Variants in LRP6 observed in about 807,000 individuals in gnomAD.
LRP6 encodes the protein LDL receptor related protein 6.
Under a neutral mutation model 184.1 loss-of-function variants are expected in LRP6, and 43 were observed. That is an observed-to-expected ratio of 0.23 (90% confidence interval 0.18 to 0.30). LRP6 has a LOEUF of 0.30. Among genes scored for constraint, LRP6 ranks in the 10% least tolerant of loss-of-function variants. The probability of loss-of-function intolerance (pLI) is 1.00; values close to 1 mark genes in which losing one functional copy is unlikely to be tolerated. For missense variants in LRP6, 1,571 were observed against 2,005.3 expected, an observed-to-expected ratio of 0.78 and a Z score of 4.14; for synonymous variants, 719 against 684.9, an observed-to-expected ratio of 1.05 and a Z score of -0.78.
At chr12:12,245,152 C>T (rs1310304889) in intron 1 of LRP6, among the ~76,000 whole-genome samples, 1 of 152,164 alleles carries the variant, frequency 6.6e-6, no homozygotes, top group Admixed American at 6.6e-5. Flanking sequence ...TATGCAAATG[C>T]TCATACCAAT....
intron 13 of LRP6, among the ~76,000 whole-genome samples, chr12:12,150,259 CCA>C (rs1950064122): frequency 1.3e-5 from 2 of 151,962 alleles, no homozygotes; most frequent in Admixed American, 1.3e-4. Flanking sequence ...CATTCCCATC[CCA>C]CAGTCACCAT....
At chr12:12,254,011 G>A (rs192245314) in intron 1 of LRP6, among the ~76,000 whole-genome samples, 4 of 152,008 alleles carry the variant, frequency 2.6e-5, no homozygotes, top group East Asian at 1.9e-4. Flanking sequence ...GGGTATGGTC[G>A]CACACACCTG....
rs1190617354 is a variant in LRP6, at chr12:12,118,301, A to G, written c.*2825T>C. The G allele has an allele frequency of 1.3e-5, 2 of 152,224 alleles. No homozygotes were observed. Among genetic ancestry groups the G allele is most frequent in the Non-Finnish European group, 2.9e-5 (2 of 68,040 alleles). The allele number at this position is 152,224 out of a possible 1,614,324, so 9.4% of individuals were successfully genotyped here. A position where few individuals can be genotyped will look rare whatever the true frequency, so the allele number is the denominator to read the frequency against. On this transcript the variant is annotated 3_prime_UTR_variant, in exon 23 of 23. Transcript: ENST00000261349. ...CAGAAGACCACGACTCTGTTGGAGC[A>G]AAGTCCAGGCCTTAGTTATAAAAGA...
intron 2 of LRP6, among the ~76,000 whole-genome samples, chr12:12,232,975 G>A (rs1476219299): frequency 6.6e-6 from 1 of 152,122 alleles, no homozygotes; most frequent in Non-Finnish European, 1.5e-5. Context: ...CAGAAAATCT[G>A]ACCATCTGAA....
At chr12:12,208,798 T>C (rs1047799766) in intron 2 of LRP6, among the ~76,000 whole-genome samples, 1 of 152,200 alleles carries the variant, frequency 6.6e-6, no homozygotes, top group Non-Finnish European at 1.5e-5. Context: ...AACCTAAGCA[T>C]AGGGACAGCC....
intron 15 of LRP6, among the ~76,000 whole-genome samples, chr12:12,146,332 T>C (rs1240279459): frequency 6.6e-6 from 1 of 152,234 alleles, no homozygotes; most frequent in Non-Finnish European, 1.5e-5. Context: ...CATGAGGGCA[T>C]GTAATTTTCT....
chr12:12,254,143 CAAAAAA>C lies in LRP6; in HGVS notation c.56-9494_56-9489del, dbSNP rs34210761. ...TGGGTGACAGAGTGAGACTCTGTCT[CAAAAAA>C]AAAAAAAAAAAAAAAAGAAAGAAAG... On this transcript the variant is annotated intron_variant, in intron 1 of 22. Transcript: ENST00000261349. 7.7e-4 allele frequency among the ~76,000 whole-genome samples: 57 copies of C among 74,374 alleles called. 1 individual carries two copies. In the South Asian group the frequency reaches 0.014, roughly 18 times the overall value. The allele number at this position is 74,374 out of a possible 152,430, so 48.8% of individuals were successfully genotyped here. A position where few individuals can be genotyped will look rare whatever the true frequency, so the allele number is the denominator to read the frequency against.
At chr12:12,204,712 T>C (rs1045609753) in intron 2 of LRP6, among the ~76,000 whole-genome samples, 1 of 151,744 alleles carries the variant, frequency 6.6e-6, no homozygotes, top group Non-Finnish European at 1.5e-5. Flanking sequence ...TCCCAGCACT[T>C]TGGGAGGCTG....
intron 18 of LRP6, among the ~76,000 whole-genome samples, chr12:12,131,360 G>A (rs533885747): frequency 3.3e-5 from 5 of 151,514 alleles, no homozygotes; most frequent in East Asian, 1.9e-4. Flanking sequence ...CGCCCGCCTC[G>A]GCCTCCCAAA....
At chr12:12,203,940 G>A (rs1034461459) in intron 2 of LRP6, among the ~76,000 whole-genome samples, 2 of 152,062 alleles carry the variant, frequency 1.3e-5, no homozygotes, top group African/African-American at 4.8e-5. Flanking sequence ...AAATGTATTG[G>A]TAAAAAGGAT....
chr12:12,186,640 A>G (rs1015519088), intron 4 of LRP6, among the ~76,000 whole-genome samples: 2 of 148,226 alleles, frequency 1.3e-5, no homozygotes, highest in African/African-American at 2.5e-5. Flanking sequence ...TCAGTCTCCC[A>G]AAGTGCTGGG....
chr12:12,213,466 T>C (rs1223507543), intron 2 of LRP6, among the ~76,000 whole-genome samples: 1 of 152,152 alleles, frequency 6.6e-6, no homozygotes, highest in Non-Finnish European at 1.5e-5. Context: ...CTATTATTAA[T>C]ATATCTGTTA....
chr12:12,194,127 G>T (rs1007729490), intron 3 of LRP6, among the ~76,000 whole-genome samples: 1 of 151,646 alleles, frequency 6.6e-6, no homozygotes, highest in African/African-American at 2.4e-5. Flanking sequence ...AAAAAGGAAC[G>T]GACAAAATCC....
chr12:12,130,791 A>G lies in LRP6; in HGVS notation c.4073T>C (p.Leu1358Pro). The G allele has an allele frequency of 6.2e-7, 1 of 1,604,804 alleles. No individual in the cohort carries two copies. ...ATCTCAGTCCTACTTACAACAATCC[A>G]GTTCATCTGACTTGTCACTGCAATC... ...NVDCSDKSDE[L>P]DCYPTEEPAP... Residue 1358 changes from leucine (L) to proline (P), a missense_variant, in exon 19 of 23, where the codon CTG becomes CCG. Leu to Pro is a moderately conservative substitution (Grantham distance 98, BLOSUM62 -3). Coordinates refer to ENST00000261349, the MANE Select transcript of LRP6 (RefSeq NM_002336.3).
Position 12,132,015 on chromosome 12 carries a change from C to G in LRP6, c.3776G>C (p.Gly1259Ala). 1.2e-6 allele frequency: 2 copies of G among 1,614,054 alleles called. No homozygotes were observed. Among genetic ancestry groups the G allele is most frequent in the Non-Finnish European group, 1.7e-6 (2 of 1,180,030 alleles). Residue 1259 changes from glycine to alanine, a missense_variant, in exon 18 of 23, where the codon GGG becomes GCG. Gly to Ala is a moderately conservative substitution (Grantham distance 60). Coordinates refer to ENST00000261349, the MANE Select transcript of LRP6 (RefSeq NM_002336.3). ...CSPQQFTCFT[G>A]EIDCIPVAWR... ...AGCCACAGGGATACAGTCAATTTCC[C>G]CCGTGAAACAAGTAAACTGCTGAGG... is the stretch of plus-strand genomic sequence containing the variant.
intron 12 of LRP6, 65 bp downstream of exon 12, chr12:12,158,764 C>T: frequency 6.6e-7 from 1 of 1,516,226 alleles, no homozygotes. Context: ...AAAACACACA[C>T]TAAAGTACTT....
intron 15 of LRP6, among the ~76,000 whole-genome samples, chr12:12,147,059 G>A (rs1018561534): frequency 7.4e-4 from 112 of 152,126 alleles, no homozygotes; most frequent in African/African-American, 2.6e-3. Flanking sequence ...GGCTGAGGCA[G>A]GAGAATGGCG....
rs375758267 is a variant in LRP6 at position 12,144,066 on chromosome 12, T to C, written c.3397+3300A>G. 7.7e-4 allele frequency among the ~76,000 whole-genome samples: 118 copies of C among 152,350 alleles called. 2 individuals carry two copies. The South Asian group carries it at 0.024, about 31-fold the overall frequency. ...ACTGTACTACATTAAAATTAGGACC[T>C]TTCTTTTCATCTAAAGATACTACTG... On this transcript the variant is annotated intron_variant, in intron 15 of 22. Coordinates refer to ENST00000261349, the MANE Select transcript of LRP6 (RefSeq NM_002336.3).
At chr12:12,190,174 C>T (rs975557860) in intron 3 of LRP6, among the ~76,000 whole-genome samples, 6 of 152,192 alleles carry the variant, frequency 3.9e-5, no homozygotes, top group South Asian at 2.1e-4. Flanking sequence ...TGACTTGTTC[C>T]TGAAAGTAGG....
Sources: gnomAD v4.1 joint callset for allele counts (sites outside exome capture counted in the v4.1 genomes callset) on GRCh38, gnomAD v4.1.1 for gene constraint, MANE v1.5 for transcripts, NCBI Gene and HGNC (gene_info 2026-07-23, HGNC 2026-07-21) for gene names.